LRP6: variants seen among roughly 807,000 people sequenced by gnomAD.
LRP6 encodes the protein LDL receptor related protein 6.
In LRP6, 43 loss-of-function variants were observed where a neutral mutation model predicts 184.1. The ratio of observed to expected loss-of-function variants is 0.23; its 90% CI spans 0.18 to 0.30. The LOEUF (loss-of-function observed/expected upper bound fraction) is 0.30, where lower values mean the gene tolerates loss of function less well. Ranked by LOEUF, LRP6 falls within the 10% of genes least tolerant of loss-of-function variation. LRP6 has a pLI of 1.00. For synonymous variants in LRP6, 719 were observed against 684.9 expected (o/e 1.05, Z -0.78); for missense variants, 1,571 against 2,005.3 (o/e 0.78, Z 4.14).
chr12:12,147,622 T>C (rs1297316424), intron 14 of LRP6, 66 bp from the exon 15 acceptor site: 10 of 1,245,388 alleles, frequency 8.0e-6, no homozygotes, highest in Non-Finnish European at 1.2e-5. Context: ...AGGATATTCT[T>C]ATTAAGACAA....
chr12:12,193,258 C>A (rs1257025762), intron 3 of LRP6, among the ~76,000 whole-genome samples: 1 of 150,458 alleles, frequency 6.6e-6, no homozygotes, highest in Non-Finnish European at 1.5e-5. Flanking sequence ...AATGCCTATA[C>A]TAGAAAAGAA....
rs1949677013 is a variant in LRP6 at position 12,126,744 on chromosome 12, G to A, written c.4259C>T (p.Ser1420Phe). The A allele has an allele frequency of 5.6e-6, 9 of 1,614,002 alleles. No individual in the cohort carries two copies. The highest frequency in any genetic ancestry group is 1.7e-5 in the Admixed American group (1 of 59,994). ...GTGTGGCACATAACCAAGAGGCACA[G>A]AAGCTGGTCCATGAACTACATAGTC... ...TNDYVVHGPA[S>F]VPLGYVPHPS... is the part of the protein sequence containing the mutation. The change falls in exon 20 of 23, where the codon TCT becomes TTT. Residue 1420 changes from serine (S) to phenylalanine (F), a missense_variant. This residue lies in a region of LRP6 where 763 missense variants were observed against 859.5 expected (regional missense o/e 0.89). Coordinates refer to ENST00000261349, the MANE Select transcript of LRP6 (RefSeq NM_002336.3).
At chr12:12,201,272 G>A (rs1486868706) in intron 3 of LRP6, among the ~76,000 whole-genome samples, 2 of 151,814 alleles carry the variant, frequency 1.3e-5, no homozygotes, top group East Asian at 3.9e-4. Flanking sequence ...AATCAGTGTG[G>A]TGCTCTGTCC....
chr12:12,233,727 T>C (rs917322735), intron 2 of LRP6, among the ~76,000 whole-genome samples: 6 of 152,194 alleles, frequency 3.9e-5, no homozygotes, highest in South Asian at 2.1e-4. Flanking sequence ...CATTAAAGAA[T>C]TGTTCATCGC....
chr12:12,165,350 T>TAAAAATAAC, intron 7 of LRP6, 55 bp from the exon 8 acceptor site: 1 of 1,274,590 alleles, frequency 7.8e-7, no homozygotes, highest in Non-Finnish European at 1.1e-6. Flanking sequence ...ATTCTTCAGC[T>TAAAAATAAC]AAAAATAACA....
At chr12:12,179,371 TATAGATATAGATATAGATATAGATATAG>T (rs1565607804) in intron 7 of LRP6, among the ~76,000 whole-genome samples, 5 of 123,764 alleles carry the variant, frequency 4.0e-5, no homozygotes, top group Admixed American at 7.7e-5. Flanking sequence ...AAGATATAGA[TATAGATATAGATATAGATATAGATATAG>T]ATATAGATAT....
chr12:12,195,187 C>G (rs1201479423), intron 3 of LRP6, among the ~76,000 whole-genome samples: 1 of 152,080 alleles, frequency 6.6e-6, no homozygotes, highest in Non-Finnish European at 1.5e-5. Flanking sequence ...TCTCGATACA[C>G]TGATTTCCTT....
intron 7 of LRP6, among the ~76,000 whole-genome samples, chr12:12,170,044 A>C (rs573524974): frequency 3.0e-4 from 45 of 152,292 alleles, no homozygotes; most frequent in African/African-American, 9.4e-4. Context: ...AAAAAGTACA[A>C]AACATGCCAG....
chr12:12,203,857 C>A (rs1331873547), intron 2 of LRP6, among the ~76,000 whole-genome samples: 2 of 152,200 alleles, frequency 1.3e-5, no homozygotes, highest in African/African-American at 2.4e-5. Flanking sequence ...ATTCTAATAT[C>A]TACCATTTGC....
In LRP6 at chr12:12,184,769, G is replaced by A. The variant is rs562961899; in HGVS notation, c.845-658C>T. ...ATTATGTTGAAAAGTCATGCCTTGGGAAGATTAACATAGAAGGGATAAGCA... is the reference window on the plus strand; with the variant it reads ...ATTATGTTGAAAAGTCATGCCTTGGAAAGATTAACATAGAAGGGATAAGCA... On this transcript the variant is annotated intron_variant, in intron 4 of 22. Coordinates refer to ENST00000261349, the MANE Select transcript of LRP6 (RefSeq NM_002336.3). Among the ~76,000 whole-genome samples the A allele has an allele frequency of 9.9e-5, 15 of 152,236 alleles. 1 individual carries two copies. The South Asian group carries it at 3.1e-3, about 32-fold the overall frequency.
intron 7 of LRP6, among the ~76,000 whole-genome samples, chr12:12,175,408 G>T (rs1863149361): frequency 6.9e-6 from 1 of 144,658 alleles, no homozygotes; most frequent in Admixed American, 7.0e-5. Flanking sequence ...AAATAAAAAA[G>T]GCCGGGCACA....
chr12:12,160,014 G>C (rs755194820), intron 10 of LRP6, 50 bp from the exon 11 acceptor site: 1 of 1,339,708 alleles, frequency 7.5e-7, no homozygotes, highest in East Asian at 2.5e-5. Context: ...TATTATCTGG[G>C]GGAAAGAGTC....
At chr12:12,171,490 C>A (rs1435922461) in intron 7 of LRP6, among the ~76,000 whole-genome samples, 5 of 151,212 alleles carry the variant, frequency 3.3e-5, no homozygotes, top group Non-Finnish European at 5.9e-5. Context: ...CCACTGCACT[C>A]CAGCCTGGGC....
rs568880911 is a variant in LRP6, at chr12:12,143,171, G to A, written c.3397+4195C>T. On this transcript the variant is annotated intron_variant, in intron 15 of 22. Transcript: ENST00000261349. ...GTTTAGAATAGTCTTTACCACTAGC[G>A]TTTAAAAGCACCAAATAAGAAGGAA... is the stretch of plus-strand genomic sequence containing the variant. Among the ~76,000 whole-genome samples, 18 of 152,220 alleles carry A rather than the reference G, an allele frequency of 1.2e-4. 1 individual carries two copies. The highest frequency in any genetic ancestry group is 6.2e-4 in the South Asian group (3 of 4,820).
chr12:12,255,904 T>C (rs1196235786), intron 1 of LRP6, among the ~76,000 whole-genome samples: 2 of 152,154 alleles, frequency 1.3e-5, no homozygotes, highest in Admixed American at 1.3e-4. Context: ...ATAAGTACTA[T>C]GACAAACTAC....
intron 7 of LRP6, among the ~76,000 whole-genome samples, chr12:12,171,157 A>T (rs1403424461): frequency 6.6e-6 from 1 of 152,224 alleles, no homozygotes; most frequent in East Asian, 1.9e-4. Flanking sequence ...AATGAAGAGA[A>T]AAAGCTAAGA....
chr12:12,170,256 T>C (rs1202025860), intron 7 of LRP6, among the ~76,000 whole-genome samples: 1 of 152,066 alleles, frequency 6.6e-6, no homozygotes. Flanking sequence ...TGCTTGAACC[T>C]GAGAGGCAGA....
At chr12:12,123,041 GA>G (rs35213442) in intron 22 of LRP6, among the ~76,000 whole-genome samples, 273 of 137,732 alleles carry the variant, frequency 2.0e-3, no homozygotes, top group African/African-American at 3.5e-3. Context: ...CTATTTTCAT[GA>G]AAAAAAAAAA....
chr12:12,159,976 AT>A lies in LRP6; in HGVS notation c.2280-13del, dbSNP rs777436187. 14 of 1,574,940 alleles carry A rather than the reference AT, an allele frequency of 8.9e-6. No individual in the cohort carries two copies. Among genetic ancestry groups the A allele is most frequent in the Non-Finnish European group, 1.1e-5 (13 of 1,152,958 alleles). The stretch of plus-strand genomic sequence containing the variant: ...TCCAATACATAAATCTAAATTCAAA[AT>A]AATAAATATTTAACATTTCAATTTT... On this transcript the variant is annotated splice_polypyrimidine_tract_variant and intron_variant, in intron 10 of 22. Transcript: ENST00000261349.
Sources: allele counts gnomAD v4.1 joint callset (sites outside exome capture counted in the v4.1 genomes callset), GRCh38; gene constraint gnomAD v4.1.1; regional missense constraint gnomAD v4.1.1; transcripts MANE v1.5; gene names NCBI Gene and HGNC (gene_info 2026-07-23, HGNC 2026-07-21).